The following PTPN1 variants were observed in gnomAD, a reference collection of about 807,000 sequenced individuals.
PTPN1 encodes the protein tyrosine-protein phosphatase non-receptor type 1.
Under a neutral mutation model 59.9 loss-of-function variants are expected in PTPN1, and 12 were observed. The observed-to-expected ratio is 0.20, with a 90% CI of 0.13 to 0.32. PTPN1 has a LOEUF of 0.32. Among genes scored for constraint, PTPN1 ranks in the 10% least tolerant of loss-of-function variants. PTPN1 has a pLI of 1.00. For missense variants in PTPN1, 356 were observed against 549.2 expected (o/e 0.65, Z 3.52); for synonymous variants, 178 against 203.6 (o/e 0.87, Z 1.07).
intron 1 of PTPN1, among the ~76,000 whole-genome samples, chr20:50,549,463 G>A (rs944442654): frequency 1.3e-5 from 2 of 152,028 alleles, no homozygotes; most frequent in Non-Finnish European, 2.9e-5. Context: ...TTAGTGACTT[G>A]TAGCTCCATT....
At chr20:50,566,622 G>GTT (rs2082780351) in intron 3 of PTPN1, among the ~76,000 whole-genome samples, 2 of 151,756 alleles carry the variant, frequency 1.3e-5, no homozygotes, top group Admixed American at 6.6e-5. Context: ...TTTTTTTTCA[G>GTT]TGGTGTTCAT....
chr20:50,541,588 C>A (rs1037575436), intron 1 of PTPN1, among the ~76,000 whole-genome samples: 4 of 152,132 alleles, frequency 2.6e-5, no homozygotes, highest in African/African-American at 9.7e-5. Flanking sequence ...CAGACCCGGT[C>A]GCAGGTCATC....
intron 5 of PTPN1, among the ~76,000 whole-genome samples, chr20:50,575,943 A>G (rs1010845231): frequency 1.3e-5 from 2 of 152,136 alleles, no homozygotes; most frequent in Non-Finnish European, 2.9e-5. Flanking sequence ...AAATAAATAA[A>G]AAAAATAGTA....
chr20:50,574,538 C>A lies in PTPN1; in HGVS notation c.376C>A (p.Pro126Thr). 2 of 1,602,594 alleles carry A rather than the reference C, an allele frequency of 1.2e-6. No individual in the cohort carries two copies. Among genetic ancestry groups the A allele is most frequent in the South Asian group, 1.1e-5 (1 of 88,130 alleles). Residue 126 changes from proline to threonine, a missense_variant, in exon 5 of 10, where the codon CCA becomes ACA. By Grantham distance (38) the Pro-to-Thr change is conservative. Coordinates refer to ENST00000371621, the MANE Select transcript of PTPN1 (RefSeq NM_002827.4). ...CCAGTTAAAATGCGCACAATACTGG[C>A]CACAAAAAGAAGAAAAAGAGATGAT... Reference protein sequence around the residue: ...KGSLKCAQYWPQKEEKEMIFE... With the variant: ...KGSLKCAQYWTQKEEKEMIFE...
At chr20:50,533,110 A>C (rs1484282730) in intron 1 of PTPN1, among the ~76,000 whole-genome samples, 2 of 151,900 alleles carry the variant, frequency 1.3e-5, no homozygotes, top group African/African-American at 4.8e-5. Context: ...ATTTTGAAAT[A>C]AATATATAGT....
chr20:50,550,243 A>C (rs975764303), intron 1 of PTPN1, among the ~76,000 whole-genome samples: 1 of 152,224 alleles, frequency 6.6e-6, no homozygotes, highest in Non-Finnish European at 1.5e-5. Flanking sequence ...CTGAAGAACC[A>C]GGTAACAACC....
intron 4 of PTPN1, among the ~76,000 whole-genome samples, chr20:50,569,993 C>T (rs991816518): frequency 1.3e-5 from 2 of 152,224 alleles, no homozygotes; most frequent in African/African-American, 2.4e-5. Context: ...AACTGGGTGT[C>T]CTTGGGCCTT....
At chr20:50,554,380 A>ATTCTCTCTCTCTCTCTCTC (rs11481722) in intron 1 of PTPN1, among the ~76,000 whole-genome samples, 14,871 of 140,016 alleles carry the variant, frequency 0.11, 1,241 homozygotes, top group Middle Eastern at 0.16. Context: ...GCAAGACCAC[A>ATTCTCTCTCTCTCTCTCTC]TCTCTCTCTC....
rs1384590527 is a variant in PTPN1 at position 50,579,235 on chromosome 20, G to A, written c.770G>A (p.Arg257Gln). 1.2e-6 allele frequency: 2 copies of A among 1,614,218 alleles called. No individual in the cohort carries two copies. The highest frequency in any genetic ancestry group is 1.7e-6 in the Non-Finnish European group (2 of 1,180,032). Residue 257 changes from arginine (R) to glutamine (Q), a missense_variant, in exon 7 of 10, where the codon CGG becomes CAG. Physicochemically the swap from Arg to Gln is conservative, Grantham distance 43 (BLOSUM62 1). Transcript: ENST00000371621. ...KKVLLEMRKF[R>Q]MGLIQTADQL... ...GTGCTGTTAGAAATGAGGAAGTTTC[G>A]GATGGGGCTGATCCAGACAGCCGAC...
chr20:50,525,153 A>G (rs1601388259), intron 1 of PTPN1, among the ~76,000 whole-genome samples: 2 of 151,046 alleles, frequency 1.3e-5, no homozygotes, highest in Non-Finnish European at 3.0e-5. Context: ...TCCGCCTCCC[A>G]GGTTCAAGCG....
intron 5 of PTPN1, among the ~76,000 whole-genome samples, chr20:50,575,882 G>C (rs1376134709): frequency 6.6e-6 from 1 of 152,140 alleles, no homozygotes; most frequent in Non-Finnish European, 1.5e-5. Context: ...AGCTATGCTT[G>C]CACCACTGCA....
At chr20:50,523,690 C>A (rs564604947) in intron 1 of PTPN1, among the ~76,000 whole-genome samples, 3 of 152,292 alleles carry the variant, frequency 2.0e-5, no homozygotes, top group South Asian at 4.1e-4. Flanking sequence ...GTCCAGCAGA[C>A]AAAGTGGCTG....
At chr20:50,513,898 A>G (rs891206767) in intron 1 of PTPN1, among the ~76,000 whole-genome samples, 7 of 152,232 alleles carry the variant, frequency 4.6e-5, no homozygotes, top group Non-Finnish European at 8.8e-5. Flanking sequence ...TCACTTAAAA[A>G]AAAAAAGACT....
At chr20:50,516,370 C>CA (rs904728920) in intron 1 of PTPN1, among the ~76,000 whole-genome samples, 53 of 152,248 alleles carry the variant, frequency 3.5e-4, no homozygotes, top group African/African-American at 1.2e-3. Flanking sequence ...GTCATACTAA[C>CA]AGTGCTGAGT....
At chr20:50,560,381 G>A (rs2082746517) in intron 1 of PTPN1, among the ~76,000 whole-genome samples, 1 of 152,164 alleles carries the variant, frequency 6.6e-6, no homozygotes, top group African/African-American at 2.4e-5. Context: ...CTTCCCAGAT[G>A]GCTCTACCTT....
At chr20:50,524,220 A>C (rs1295995874) in intron 1 of PTPN1, among the ~76,000 whole-genome samples, 1 of 152,176 alleles carries the variant, frequency 6.6e-6, no homozygotes, top group Non-Finnish European at 1.5e-5. Flanking sequence ...TGTCTTCTCC[A>C]GGAGGGTGAT....
At chr20:50,520,794 A>C (rs533303452) in intron 1 of PTPN1, among the ~76,000 whole-genome samples, 42 of 152,322 alleles carry the variant, frequency 2.8e-4, no homozygotes, top group African/African-American at 7.7e-4. Flanking sequence ...AGGAAGAAGA[A>C]GACTTGGGTT....
chr20:50,579,135 C>T lies in PTPN1; in HGVS notation c.703-33C>T, dbSNP rs774179501. 8.7e-6 allele frequency: 14 copies of T among 1,610,080 alleles called. No homozygotes were observed. The Admixed American group carries it at 1.7e-4, about 19-fold the overall frequency. On this transcript the variant is annotated intron_variant, in intron 6 of 9. Transcript: ENST00000371621. ...TTAACGTTGCCCTTGAGAATTGGAC[C>T]TGGCTGACTTATATCTCCTCTCTGG...
chr20:50,529,587 C>T (rs574317215), intron 1 of PTPN1, among the ~76,000 whole-genome samples: 1 of 152,172 alleles, frequency 6.6e-6, no homozygotes, highest in Non-Finnish European at 1.5e-5. Flanking sequence ...GAAACCAAAT[C>T]ATTGTTTTTG....
Sources: allele counts gnomAD v4.1 joint callset (sites outside exome capture counted in the v4.1 genomes callset), GRCh38; gene constraint gnomAD v4.1.1; transcripts MANE v1.5; gene names NCBI Gene and HGNC (gene_info 2026-07-23, HGNC 2026-07-21).